The following ZDHHC20 variants were observed in gnomAD, a reference collection of about 807,000 sequenced individuals.
The protein encoded by ZDHHC20 is palmitoyltransferase ZDHHC20.
A neutral mutation model predicts 57.8 loss-of-function variants in ZDHHC20; 43 were observed. That is an observed-to-expected ratio of 0.74 (90% CI 0.58 to 0.96). The LOEUF (loss-of-function observed/expected upper bound fraction) is 0.96, where lower values mean the gene tolerates loss of function less well. Ranked by LOEUF, ZDHHC20 falls within the 40% of genes least tolerant of loss-of-function variation. The probability of loss-of-function intolerance (pLI) is 0.00; values close to 1 mark genes in which losing one functional copy is unlikely to be tolerated. For missense variants in ZDHHC20, 391 were observed against 441.1 expected (o/e 0.89, Z 1.02); for synonymous variants, 157 against 153.0 (o/e 1.03, Z -0.19).
chr13:21,414,384 G>A (rs146639988), intron 3 of ZDHHC20, among the ~76,000 whole-genome samples: 8 of 149,950 alleles, frequency 5.3e-5, no homozygotes, highest in African/African-American at 1.2e-4. Flanking sequence ...TTTTTGAGAC[G>A]GAGTCTTGCT....
At chr13:21,393,471 G>C (rs1258342882) in intron 7 of ZDHHC20, among the ~76,000 whole-genome samples, 1 of 146,458 alleles carries the variant, frequency 6.8e-6, no homozygotes, top group Non-Finnish European at 1.5e-5. Flanking sequence ...CTGCACTCCA[G>C]AGGCAGGCAG....
intron 3 of ZDHHC20, among the ~76,000 whole-genome samples, chr13:21,420,364 G>A (rs1266979465): frequency 6.6e-6 from 1 of 152,166 alleles, no homozygotes; most frequent in African/African-American, 2.4e-5. Flanking sequence ...ATCCTACAGA[G>A]ACAGGCACAA....
chr13:21,381,901 C>T (rs1873491629), intron 10 of ZDHHC20: 1 of 540,682 alleles, frequency 1.8e-6, no homozygotes, highest in East Asian at 5.0e-5. Context: ...AAACAATTAC[C>T]TGTCATTTGC....
intron 1 of ZDHHC20, among the ~76,000 whole-genome samples, chr13:21,448,173 C>G (rs1883984274): frequency 8.3e-6 from 1 of 121,128 alleles, no homozygotes; most frequent in Non-Finnish European, 1.9e-5. Flanking sequence ...CGGCAGCCAC[C>G]CCGTCCGGGA....
chr13:21,445,079 T>C lies in ZDHHC20; in HGVS notation c.118+13975A>G, dbSNP rs138182356. ...CTCAAAACACATACACACACACACA[T>C]ACATGTTTTACATGTATGTTTTATA... On this transcript the variant is annotated intron_variant, in intron 1 of 12. Transcript: ENST00000400590. Among the ~76,000 whole-genome samples, 792 of 151,526 alleles carry C rather than the reference T, an allele frequency of 5.2e-3. 10 individuals are homozygous for C. Among genetic ancestry groups the C allele is most frequent in the African/African-American group, 0.018 (750 of 41,050 alleles).
intron 1 of ZDHHC20, among the ~76,000 whole-genome samples, chr13:21,456,854 C>T (rs6490656): frequency 0.89 from 135,472 of 152,250 alleles, 60,303 homozygotes; most frequent in East Asian, 1. Flanking sequence ...TATGCCAACC[C>T]CTTTATCCCC....
intron 7 of ZDHHC20, among the ~76,000 whole-genome samples, chr13:21,398,725 TAGAA>T (rs1226931584): frequency 6.6e-6 from 1 of 152,174 alleles, no homozygotes; most frequent in African/African-American, 2.4e-5. Context: ...CAGATAAACA[TAGAA>T]AGAACAGTGA....
chr13:21,400,377 CA>C lies in ZDHHC20; in HGVS notation c.589del (p.Trp197GlyfsTer5). On this transcript the variant is annotated frameshift_variant, in exon 7 of 13. Coordinates refer to ENST00000400590, the MANE Select transcript of ZDHHC20 (RefSeq NM_001330059.2). LOFTEE classifies it high-confidence loss of function. ...AAGATAGAAAAAAAGACTTACCGTC[CA>C]AAATTTTATAAAGTACTCTAAAACT... is the stretch of plus-strand genomic sequence containing the variant. ...ATVLEYFIKFWTNELTDTRAK... is the reference protein window; with the variant it reads ...ATVLEYFIKFXTNELTDTRAK... 1 of 1,579,858 alleles carries C rather than the reference CA, an allele frequency of 6.3e-7. No homozygotes were observed. Among genetic ancestry groups the C allele is most frequent in the South Asian group, 1.2e-5 (1 of 82,224 alleles).
Position 21,373,390 on chromosome 13 carries a change from T to G in ZDHHC20, c.*3306A>C, listed in dbSNP as rs1871519193. ...ATAGAAATACAATTCAAGTAAACAT[T>G]GCATATTTGATTTAAACCACCTTAC... On this transcript the variant is annotated 3_prime_UTR_variant, in exon 13 of 13. Transcript: ENST00000400590. 1 of 152,184 alleles carries G rather than the reference T, an allele frequency of 6.6e-6. No homozygotes were observed. 9.4% of individuals were successfully genotyped at this position (152,184 alleles called of 1,614,324 possible). A position where few individuals can be genotyped will look rare whatever the true frequency, so the allele number is the denominator to read the frequency against.
At chr13:21,453,590 G>A (rs961156074) in intron 1 of ZDHHC20, among the ~76,000 whole-genome samples, 3 of 152,104 alleles carry the variant, frequency 2.0e-5, no homozygotes, top group Non-Finnish European at 4.4e-5. Flanking sequence ...AAACAAGCCT[G>A]AATACATTTT....
chr13:21,385,638 C>T (rs1874328806), intron 9 of ZDHHC20, among the ~76,000 whole-genome samples: 2 of 151,956 alleles, frequency 1.3e-5, no homozygotes, highest in African/African-American at 2.4e-5. Flanking sequence ...CATATGTATA[C>T]CCAAGAGTAC....
chr13:21,380,582 A>C (rs1323607789), intron 11 of ZDHHC20, among the ~76,000 whole-genome samples: 1 of 151,676 alleles, frequency 6.6e-6, no homozygotes, highest in Non-Finnish European at 1.5e-5. Flanking sequence ...TCACAAGGTC[A>C]GGAGATCGAG....
chr13:21,451,883 A>G (rs1211860333), intron 1 of ZDHHC20, among the ~76,000 whole-genome samples: 1 of 151,916 alleles, frequency 6.6e-6, no homozygotes, highest in Non-Finnish European at 1.5e-5. Flanking sequence ...AGTCCCAACT[A>G]CTTGAGAGGC....
chr13:21,377,792 C>T (rs1459724826), intron 12 of ZDHHC20: 2 of 153,320 alleles, frequency 1.3e-5, no homozygotes, highest in Non-Finnish European at 2.9e-5. Context: ...AGTGAGGAAA[C>T]AGATGCTCCT....
chr13:21,372,738 C>A lies in ZDHHC20; in HGVS notation c.*3958G>T, dbSNP rs1464453823. The A allele has an allele frequency of 1.3e-5, 2 of 152,152 alleles. No individual in the cohort carries two copies. Among genetic ancestry groups the A allele is most frequent in the Non-Finnish European group, 2.9e-5 (2 of 67,988 alleles). The allele number at this position is 152,152 out of a possible 1,614,324, so 9.4% of individuals were successfully genotyped here. ...AGGATTATACAAATAAGAACAAACA[C>A]AAGGCTTATGGTACTTGTTAGGTAA... On this transcript the variant is annotated 3_prime_UTR_variant, in exon 13 of 13. Transcript: ENST00000400590.
chr13:21,406,326 C>A (rs937142110), intron 4 of ZDHHC20, among the ~76,000 whole-genome samples: 1 of 152,152 alleles, frequency 6.6e-6, no homozygotes, highest in Non-Finnish European at 1.5e-5. Context: ...ACTACTTACT[C>A]CTGCACATCT....
At chr13:21,438,725 T>G (rs899298992) in intron 1 of ZDHHC20, among the ~76,000 whole-genome samples, 2 of 152,220 alleles carry the variant, frequency 1.3e-5, no homozygotes, top group African/African-American at 2.4e-5. Flanking sequence ...AGTTCTACTG[T>G]GAGTAAAATG....
At chr13:21,382,804 C>G (rs1873663677) in intron 10 of ZDHHC20, 116 bp downstream of exon 10, 3 of 820,396 alleles carry the variant, frequency 3.7e-6, no homozygotes, top group Non-Finnish European at 5.6e-6. Flanking sequence ...TTCTCTTTCC[C>G]TAACTATGCT....
intron 1 of ZDHHC20, among the ~76,000 whole-genome samples, chr13:21,457,860 G>A (rs1193531960): frequency 6.6e-6 from 1 of 152,092 alleles, no homozygotes; most frequent in Non-Finnish European, 1.5e-5. Flanking sequence ...TAGCTGATGT[G>A]GTTCGTTATT....
Sources: allele counts gnomAD v4.1 joint callset (sites outside exome capture counted in the v4.1 genomes callset), GRCh38; gene constraint gnomAD v4.1.1; transcripts MANE v1.5; gene names NCBI Gene and HGNC (gene_info 2026-07-23, HGNC 2026-07-21).